The following DOCK5 variants were observed in gnomAD, a reference collection of about 807,000 sequenced individuals.
DOCK5 encodes the protein dedicator of cytokinesis protein 5.
A neutral mutation model predicts 251.8 loss-of-function variants in DOCK5; 142 were observed. The ratio of observed to expected loss-of-function variants is 0.56; its 90% confidence interval spans 0.49 to 0.65. DOCK5 has a LOEUF of 0.65. DOCK5 is among the 30% of genes least tolerant of loss of function. DOCK5 has a pLI of 0.00. For missense variants in DOCK5, 2,111 were observed against 2,312.3 expected, an observed-to-expected ratio of 0.91 and a Z score of 1.79; for synonymous variants, 842 against 835.5, an observed-to-expected ratio of 1.01 and a Z score of -0.13.
At chr8:25,340,781 G>A in intron 22 of DOCK5, 96 bp from the exon 23 acceptor site, 1 of 947,276 alleles carries the variant, frequency 1.1e-6, no homozygotes, top group Non-Finnish European at 1.6e-6. Flanking sequence ...TGATTAGGGT[G>A]ATACGATGAA....
intron 1 of DOCK5, among the ~76,000 whole-genome samples, chr8:25,214,585 C>T (rs1032935287): frequency 1.3e-5 from 2 of 152,146 alleles, no homozygotes; most frequent in Admixed American, 6.5e-5. Context: ...ATTCCTGTAC[C>T]TTCACTGTAA....
chr8:25,256,157 T>C (rs755765526), intron 2 of DOCK5, among the ~76,000 whole-genome samples: 9 of 152,260 alleles, frequency 5.9e-5, no homozygotes, highest in Non-Finnish European at 1.0e-4. Context: ...TCTGTGTATC[T>C]GTTCCTAATG....
chr8:25,314,284 T>A (rs887845429), intron 13 of DOCK5, among the ~76,000 whole-genome samples: 17 of 123,964 alleles, frequency 1.4e-4, no homozygotes, highest in African/African-American at 5.4e-4. Context: ...GCTAATTTAA[T>A]TTTTTTTTTT....
chr8:25,397,716 T>G (rs953611489), intron 45 of DOCK5, among the ~76,000 whole-genome samples: 2 of 152,220 alleles, frequency 1.3e-5, no homozygotes, highest in African/African-American at 4.8e-5. Flanking sequence ...TTTTACAGAA[T>G]ACCCCTAATC....
intron 1 of DOCK5, among the ~76,000 whole-genome samples, chr8:25,187,526 G>A (rs1370863351): frequency 2.0e-5 from 3 of 151,750 alleles, no homozygotes; most frequent in East Asian, 3.9e-4. Context: ...CCACAGTTGG[G>A]ATAAATTAAC....
chr8:25,243,720 G>A lies in DOCK5; in HGVS notation c.90G>A (p.Gln30=). 6.2e-7 allele frequency: 1 copy of A among 1,613,784 alleles called. No homozygotes were observed. Among genetic ancestry groups the A allele is most frequent in the Non-Finnish European group, 8.5e-7 (1 of 1,179,754 alleles). ...CTCAAGATGTGGAGCTCTCCTTGCA[G>A]ATCGGTGACACAGTTCACATCCTGG... is the stretch of plus-strand genomic sequence containing the variant. ...NASQDVELSL[Q]IGDTVHILEM... Residue 30 remains glutamine, a synonymous_variant, in exon 2 of 52, where the codon CAG becomes CAA. Coordinates refer to ENST00000276440, the MANE Select transcript of DOCK5 (RefSeq NM_024940.8).
chr8:25,346,725 G>A lies in DOCK5; in HGVS notation c.2754+1114G>A, dbSNP rs1025634574. 9.2e-5 allele frequency among the ~76,000 whole-genome samples: 9 copies of A among 98,138 alleles called. 1 individual carries two copies. The highest frequency in any genetic ancestry group is 1.9e-4 in the Non-Finnish European group (9 of 46,840). The allele number at this position is 98,138 out of a possible 152,430, so 64.4% of individuals were successfully genotyped here. A position where few individuals can be genotyped will look rare whatever the true frequency, so the allele number is the denominator to read the frequency against. On this transcript the variant is annotated intron_variant, in intron 26 of 51. Coordinates refer to ENST00000276440, the MANE Select transcript of DOCK5 (RefSeq NM_024940.8). Reference sequence around the variant, plus strand: ...TATAGTCCCAGCTACTCGGGAGGCCGAGGCAGGAGAATCCCTTGAACCTGG... The same window carrying A: ...TATAGTCCCAGCTACTCGGGAGGCCAAGGCAGGAGAATCCCTTGAACCTGG...
chr8:25,410,264 G>C lies in DOCK5; in HGVS notation c.5508+62G>C, dbSNP rs1052773899. 6.3e-6 allele frequency: 9 copies of C among 1,439,130 alleles called. No individual in the cohort carries two copies. The East Asian group carries it at 1.9e-4, about 30-fold the overall frequency. The allele number at this position is 1,439,130 out of a possible 1,614,324, so 89.1% of individuals were successfully genotyped here. On this transcript the variant is annotated intron_variant, in intron 51 of 51. Transcript: ENST00000276440. Reference sequence around the variant, plus strand: ...CGCCACTCCTGGGAAGGCAGCATCAGGTTTTCCAGGCTCTTTAGTGGGCAG... The same window carrying C: ...CGCCACTCCTGGGAAGGCAGCATCACGTTTTCCAGGCTCTTTAGTGGGCAG...
Position 25,184,950 on chromosome 8 carries a change from T to G in DOCK5, c.42T>G (p.Val14=). Residue 14 remains valine, a splice_region_variant and synonymous_variant, in exon 1 of 52, where the codon GTT becomes GTG. Coordinates refer to ENST00000276440, the MANE Select transcript of DOCK5 (RefSeq NM_024940.8). ...WIPTKRQKYG[V]AIYNYNASQD... ...CGACCAAGAGGCAGAAGTACGGGGT[T>G]GGTGAGTGCGCGCCCCACCTTGTCC... The G allele has an allele frequency of 7.0e-7, 1 of 1,433,632 alleles. No homozygotes were observed. The highest frequency in any genetic ancestry group is 9.2e-7 in the Non-Finnish European group (1 of 1,084,876). The allele number at this position is 1,433,632 out of a possible 1,614,324, so 88.8% of individuals were successfully genotyped here.
chr8:25,270,748 A>T (rs542604304), intron 3 of DOCK5: 9 of 703,110 alleles, frequency 1.3e-5, no homozygotes, highest in African/African-American at 8.7e-5. Flanking sequence ...TTTCTAAAGT[A>T]TCCTATGATT....
At chr8:25,376,570 A>G (rs1220055922) in intron 37 of DOCK5, 1 of 178,596 alleles carries the variant, frequency 5.6e-6, no homozygotes, top group African/African-American at 2.4e-5. Context: ...CTTTTTGTTA[A>G]TTTTTCCATA....
chr8:25,345,399 A>G (rs2468901), intron 25 of DOCK5, 76 bp from the exon 26 acceptor site: 1,570,277 of 1,577,758 alleles, frequency 1, 781,699 homozygotes, highest in East Asian at 1. Context: ...CTGGTCGAGG[A>G]AGAGTTGCAG....
At position 25,325,627 on chromosome 8, in the gene DOCK5, G is replaced by T. The variant is rs1344851664; in HGVS notation, c.1903+80G>T. 3.9e-6 allele frequency: 6 copies of T among 1,523,600 alleles called. No individual in the cohort carries two copies. In the African/African-American group the frequency reaches 6.9e-5, roughly 18 times the overall value. 94.4% of individuals were successfully genotyped at this position (1,523,600 alleles called of 1,614,324 possible). On this transcript the variant is annotated intron_variant, in intron 18 of 51. Coordinates refer to ENST00000276440, the MANE Select transcript of DOCK5 (RefSeq NM_024940.8). ...CTCCTTGGTTAGGCTCACAGGGCTG[G>T]ACTATATGGGGCTGGGTCTTATTAG...
At position 25,380,413 on chromosome 8, in the gene DOCK5, A is replaced by C; in HGVS notation, c.4026+19A>C. 6.3e-7 allele frequency: 1 copy of C among 1,586,816 alleles called. No homozygotes were observed. Among genetic ancestry groups the C allele is most frequent in the Non-Finnish European group, 8.6e-7 (1 of 1,162,218 alleles). ...CCTCCTGGTGAGTCTGGGTCAAAAT[A>C]TGTTAGGCCTCTGACAGGGTTGCTA... is the stretch of plus-strand genomic sequence containing the variant. On this transcript the variant is annotated intron_variant, in intron 39 of 51. Transcript: ENST00000276440.
intron 38 of DOCK5, among the ~76,000 whole-genome samples, chr8:25,378,231 C>T (rs1419103984): frequency 6.6e-6 from 1 of 152,132 alleles, no homozygotes; most frequent in African/African-American, 2.4e-5. Flanking sequence ...CCATGAGTCA[C>T]CTCATTAGCA....
At chr8:25,386,882 T>A (rs764611971) in intron 40 of DOCK5, among the ~76,000 whole-genome samples, 6 of 152,224 alleles carry the variant, frequency 3.9e-5, no homozygotes, top group Non-Finnish European at 8.8e-5. Context: ...GGTTTTCTGA[T>A]CCGTAATTTA....
chr8:25,226,685 A>C (rs1317199806), intron 1 of DOCK5, among the ~76,000 whole-genome samples: 4 of 150,216 alleles, frequency 2.7e-5, no homozygotes, highest in Non-Finnish European at 5.9e-5. Context: ...TCCTGGGTTC[A>C]CGCCACTCTC....
Position 25,298,950 on chromosome 8 carries a change from C to A in DOCK5, c.613C>A (p.Leu205Met). The part of the protein sequence containing the change: ...EEKIQEEKSI[L>M]QNLDLRGQSI... Reference sequence around the variant, plus strand: ...CTGTTCCCTCTTTGTTCAGTCAATCCTGCAGAACCTCGATTTGCGGGGCCA... The same window carrying A: ...CTGTTCCCTCTTTGTTCAGTCAATCATGCAGAACCTCGATTTGCGGGGCCA... Residue 205 changes from leucine (L) to methionine (M), a missense_variant, in exon 8 of 52, where the codon CTG (leucine) becomes ATG (methionine). Coordinates refer to ENST00000276440, the MANE Select transcript of DOCK5 (RefSeq NM_024940.8). 6.2e-7 allele frequency: 1 copy of A among 1,611,318 alleles called. No individual in the cohort carries two copies. The highest frequency in any genetic ancestry group is 8.5e-7 in the Non-Finnish European group (1 of 1,179,006).
intron 18 of DOCK5, among the ~76,000 whole-genome samples, chr8:25,329,563 C>T (rs1048928745): frequency 1.3e-5 from 2 of 152,150 alleles, no homozygotes; most frequent in African/African-American, 4.8e-5. Flanking sequence ...TGAATTCTTA[C>T]ACATTTCTGA....
Sources: gnomAD v4.1 joint callset for allele counts (sites outside exome capture counted in the v4.1 genomes callset) on GRCh38, gnomAD v4.1.1 for gene constraint, MANE v1.5 for transcripts, NCBI Gene and HGNC (gene_info 2026-07-23, HGNC 2026-07-21) for gene names.